The following SLC4A4 variants were observed in gnomAD, a reference collection of about 807,000 sequenced individuals.
The protein encoded by SLC4A4 is solute carrier family 4 member 4, also known as electrogenic sodium bicarbonate cotransporter 1.
In SLC4A4, 27 loss-of-function variants were observed where a neutral mutation model predicts 111.5. That is an observed-to-expected ratio of 0.24 (90% confidence interval 0.18 to 0.33). The LOEUF (loss-of-function observed/expected upper bound fraction) is 0.33. SLC4A4 is among the 10% of genes least tolerant of loss of function. The probability of loss-of-function intolerance (pLI) is 1.00; values close to 1 mark genes in which losing one functional copy is unlikely to be tolerated. For missense variants in SLC4A4, 909 were observed against 1,315.5 expected, an observed-to-expected ratio of 0.69 and a Z score of 4.78; for synonymous variants, 443 against 463.4, an observed-to-expected ratio of 0.96 and a Z score of 0.57.
chr4:71,145,117 G>A lies in SLC4A4; in HGVS notation c.-2+52325G>A, dbSNP rs199776539. 1.7e-4 allele frequency among the ~76,000 whole-genome samples: 26 copies of A among 152,238 alleles called. No individual in the cohort carries two copies. In the East Asian group the frequency reaches 3.1e-3, roughly 18 times the overall value. ...GATAACTCTTATTATTTTGAGATAC[G>A]TCCCATCAATACCGAATTTATTGAG... On this transcript the variant is annotated intron_variant, in intron 2 of 26. Coordinates refer to the SLC4A4 transcript ENST00000649996.
chr4:71,121,346 G>A (rs1249482624), intron 2 of SLC4A4, among the ~76,000 whole-genome samples: 1 of 152,218 alleles, frequency 6.6e-6, no homozygotes, highest in Non-Finnish European at 1.5e-5. Flanking sequence ...GCGCTGGACT[G>A]AGGAGTGCAG....
rs181401657 is a variant in SLC4A4, at chr4:71,277,941, T to C, written c.253+22542T>C. Among the ~76,000 whole-genome samples, 10 of 152,320 alleles carry C rather than the reference T, an allele frequency of 6.6e-5. No homozygotes were observed. The East Asian group carries it at 1.9e-3, about 29-fold the overall frequency. ...AGCTACCACCTCACCTAGTTACTGT[T>C]GTTTTCTTCAGTGAGAACATTTAAG... On this transcript the variant is annotated intron_variant, in intron 3 of 25. Coordinates refer to ENST00000264485, the MANE Select transcript of SLC4A4 (RefSeq NM_001098484.3).
At chr4:71,340,157 G>A (rs542276202) in intron 4 of SLC4A4, among the ~76,000 whole-genome samples, 38 of 152,216 alleles carry the variant, frequency 2.5e-4, no homozygotes, top group African/African-American at 8.4e-4. Flanking sequence ...CTGTGAGGTC[G>A]AGGCTGCAGT....
intron 2 of SLC4A4, among the ~76,000 whole-genome samples, chr4:71,166,180 G>T (rs1394914800): frequency 6.6e-6 from 1 of 152,174 alleles, no homozygotes; most frequent in Non-Finnish European, 1.5e-5. Context: ...GGGAAATATT[G>T]TTTATTGTTA....
Position 71,467,719 on chromosome 4 carries a change from C to CAAGT in SLC4A4, c.1631+1143_1631+1146dup, listed in dbSNP as rs1390805596. Among the ~76,000 whole-genome samples the CAAGT allele has an allele frequency of 3.3e-5, 5 of 152,090 alleles. No homozygotes were observed. In the East Asian group the frequency reaches 9.7e-4, roughly 30 times the overall value. Reference sequence around the variant, plus strand: ...TAAGAAGGGGAAACGTGAGTTTCCCCAAGTGGCCACATTAATACACAAATA... The same window carrying CAAGT: ...TAAGAAGGGGAAACGTGAGTTTCCCCAAGTAAGTGGCCACATTAATACACAAATA... On this transcript the variant is annotated intron_variant, in intron 13 of 25. Coordinates refer to ENST00000264485, the MANE Select transcript of SLC4A4 (RefSeq NM_001098484.3).
In SLC4A4 at chr4:71,431,630, T is replaced by C. The variant is rs75193152; in HGVS notation, c.808-8986T>C. Among the ~76,000 whole-genome samples the C allele has an allele frequency of 5.8e-3, 888 of 152,250 alleles. 7 individuals are homozygous for C. Among genetic ancestry groups the C allele is most frequent in the Non-Finnish European group, 0.01 (706 of 68,012 alleles). The stretch of plus-strand genomic sequence containing the variant: ...ATTCCTTCATAATATTTATTACAGC[T>C]GAATTATGTGCAGAGCTGCTGTTCA... On this transcript the variant is annotated intron_variant, in intron 7 of 25. Coordinates refer to ENST00000264485, the MANE Select transcript of SLC4A4 (RefSeq NM_001098484.3).
At chr4:71,264,974 T>C (rs1722130104) in intron 3 of SLC4A4, among the ~76,000 whole-genome samples, 1 of 152,196 alleles carries the variant, frequency 6.6e-6, no homozygotes, top group Admixed American at 6.5e-5. Context: ...CGGAAAGTTT[T>C]GTGAGCTATT....
chr4:71,380,584 A>G (rs1250633516), intron 6 of SLC4A4, among the ~76,000 whole-genome samples: 2 of 152,238 alleles, frequency 1.3e-5, no homozygotes, highest in East Asian at 3.8e-4. Flanking sequence ...GCCTGAGGAC[A>G]TAAATGCAGA....
At chr4:71,443,122 A>T (rs866739713) in intron 8 of SLC4A4, among the ~76,000 whole-genome samples, 1 of 67,288 alleles carries the variant, frequency 1.5e-5, no homozygotes, top group South Asian at 6.4e-4. Flanking sequence ...CTCTCTATAT[A>T]TATATATATA....
chr4:71,427,518 A>G (rs1723254003), intron 7 of SLC4A4, among the ~76,000 whole-genome samples: 1 of 152,106 alleles, frequency 6.6e-6, no homozygotes, highest in Admixed American at 6.6e-5. Context: ...ACCATAGTAT[A>G]TAATTCTCCT....
chr4:71,348,151 T>C (rs542651086), intron 4 of SLC4A4, among the ~76,000 whole-genome samples: 1 of 152,250 alleles, frequency 6.6e-6, no homozygotes, highest in South Asian at 2.1e-4. Flanking sequence ...CCATCAAAAA[T>C]AAATTAGTTT....
chr4:71,462,899 G>A (rs903910278), intron 12 of SLC4A4, among the ~76,000 whole-genome samples: 2 of 152,166 alleles, frequency 1.3e-5, no homozygotes, highest in African/African-American at 4.8e-5. Context: ...TGGTATAGAT[G>A]TCTATCTGGG....
intron 20 of SLC4A4, among the ~76,000 whole-genome samples, chr4:71,553,564 C>T (rs894907676): frequency 3.3e-5 from 5 of 151,802 alleles, no homozygotes; most frequent in African/African-American, 7.2e-5. Flanking sequence ...TCCCTTCTTA[C>T]TTTTCTTTCC....
intron 2 of SLC4A4, among the ~76,000 whole-genome samples, chr4:71,165,222 T>G (rs1340986015): frequency 1.3e-5 from 2 of 152,228 alleles, no homozygotes; most frequent in African/African-American, 4.8e-5. Context: ...CAAAGGATTA[T>G]AAATCATTCT....
At chr4:71,458,912 A>G (rs1166296178) in intron 12 of SLC4A4, among the ~76,000 whole-genome samples, 1 of 152,082 alleles carries the variant, frequency 6.6e-6, no homozygotes, top group Non-Finnish European at 1.5e-5. Flanking sequence ...ACGTTAATCT[A>G]CACTATCAAC....
intron 1 of SLC4A4, among the ~76,000 whole-genome samples, chr4:71,067,677 G>T (rs1741556252): frequency 6.6e-6 from 1 of 152,140 alleles, no homozygotes; most frequent in Non-Finnish European, 1.5e-5. Context: ...AATAGGTTGT[G>T]ACTGAATAAA....
At chr4:71,480,984 A>G (rs1176686332) in intron 14 of SLC4A4, among the ~76,000 whole-genome samples, 1 of 151,760 alleles carries the variant, frequency 6.6e-6, no homozygotes, top group Non-Finnish European at 1.5e-5. Context: ...TCACAGAGCT[A>G]GGAGTAATCT....
chr4:71,146,857 C>T (rs1048150768), intron 2 of SLC4A4, among the ~76,000 whole-genome samples: 1 of 152,124 alleles, frequency 6.6e-6, no homozygotes, highest in Non-Finnish European at 1.5e-5. Context: ...CAGCTAACAT[C>T]ATAATGACAG....
intron 6 of SLC4A4, among the ~76,000 whole-genome samples, chr4:71,363,910 T>C (rs1353190561): frequency 3.3e-5 from 5 of 152,264 alleles, no homozygotes; most frequent in Admixed American, 2.0e-4. Context: ...GTAATTATTA[T>C]GGCTATTGTT....
Sources: gnomAD v4.1 joint callset for allele counts (sites outside exome capture counted in the v4.1 genomes callset) on GRCh38, gnomAD v4.1.1 for gene constraint, MANE v1.5 for transcripts, NCBI Gene and HGNC (gene_info 2026-07-23, HGNC 2026-07-21) for gene names.